ANK3: variants seen among roughly 807,000 people sequenced by gnomAD.
ANK3 encodes the protein ankyrin 3.
ANK3 carries 57 observed loss-of-function variants against 370.9 expected under a neutral mutation model. The observed-to-expected ratio is 0.15, with a 90% CI of 0.12 to 0.19. The LOEUF is 0.19. ANK3 is among the 10% of genes least tolerant of loss of function. The pLI, the probability that ANK3 is intolerant of heterozygous loss-of-function variation, is 1.00. For synonymous variants in ANK3, 1,929 were observed against 1,946.3 expected, an observed-to-expected ratio of 0.99 and a Z score of 0.23; for missense variants, 4,439 against 5,302.1, an observed-to-expected ratio of 0.84 and a Z score of 5.06.
At chr10:60,686,291 C>G (rs1046542329) in intron 1 of ANK3, among the ~76,000 whole-genome samples, 8 of 152,168 alleles carry the variant, frequency 5.3e-5, no homozygotes, top group African/African-American at 1.9e-4. Context: ...AAAAGTTGTT[C>G]AATCTCATTT....
chr10:60,646,753 G>T (rs1326399679), intron 1 of ANK3, among the ~76,000 whole-genome samples: 5 of 152,156 alleles, frequency 3.3e-5, no homozygotes, highest in African/African-American at 4.8e-5. Flanking sequence ...AGCAGTTACT[G>T]CTGGAAAAGG....
chr10:60,575,158 G>T (rs771066347), intron 2 of ANK3, among the ~76,000 whole-genome samples: 9 of 152,188 alleles, frequency 5.9e-5, no homozygotes, highest in Non-Finnish European at 8.8e-5. Flanking sequence ...ATAAACGGGT[G>T]TTTAAATTAA....
intron 25 of ANK3, among the ~76,000 whole-genome samples, chr10:60,120,884 C>A (rs1367573150): frequency 6.6e-6 from 1 of 152,084 alleles, no homozygotes; most frequent in African/African-American, 2.4e-5. Context: ...AATGTAACCA[C>A]CACAGAGAGC....
chr10:60,669,760 C>A (rs933937772), intron 1 of ANK3, among the ~76,000 whole-genome samples: 19 of 152,174 alleles, frequency 1.2e-4, no homozygotes. Context: ...TTAAATATTT[C>A]TTGGAGCTAG....
At chr10:60,196,701 C>T (rs1399664307) in intron 14 of ANK3, 76 bp from the exon 15 acceptor site, 2 of 906,014 alleles carry the variant, frequency 2.2e-6, no homozygotes, top group Non-Finnish European at 1.7e-6. Context: ...CCAAACCAAA[C>T]AACAAACAAA....
At chr10:60,488,934 C>T (rs1321484213) in intron 2 of ANK3, among the ~76,000 whole-genome samples, 1 of 152,078 alleles carries the variant, frequency 6.6e-6, no homozygotes, top group Non-Finnish European at 1.5e-5. Context: ...CCAAACATAG[C>T]CTTGGAAATT....
At chr10:60,445,962 A>T (rs2064434951) in intron 2 of ANK3, among the ~76,000 whole-genome samples, 1 of 152,242 alleles carries the variant, frequency 6.6e-6, no homozygotes. Context: ...GGCATTTGTC[A>T]TCAACATTTT....
At chr10:60,626,783 C>T (rs2078416741) in intron 1 of ANK3, among the ~76,000 whole-genome samples, 1 of 152,136 alleles carries the variant, frequency 6.6e-6, no homozygotes, top group Non-Finnish European at 1.5e-5. Flanking sequence ...TAGAGTTGGA[C>T]AGGGTTAACA....
At chr10:60,056,136 G>A (rs1382330262) in intron 41 of ANK3, 100 bp from the exon 42 acceptor site, 2 of 1,367,940 alleles carry the variant, frequency 1.5e-6, no homozygotes, top group Admixed American at 2.5e-5. Context: ...GCCTACTTCT[G>A]AAGGCATAAA....
chr10:60,384,076 G>A (rs2061923605), intron 1 of ANK3, among the ~76,000 whole-genome samples: 1 of 152,096 alleles, frequency 6.6e-6, no homozygotes, highest in Non-Finnish European at 1.5e-5. Context: ...CTCAGACAAG[G>A]TATTTTTAAG....
chr10:60,309,832 A>T (rs887044882), intron 1 of ANK3, among the ~76,000 whole-genome samples: 4 of 152,146 alleles, frequency 2.6e-5, no homozygotes, highest in African/African-American at 9.7e-5. Flanking sequence ...TGCAAAATCA[A>T]TCATCCCAGA....
chr10:60,534,912 A>G (rs2076689000), intron 2 of ANK3, among the ~76,000 whole-genome samples: 1 of 152,126 alleles, frequency 6.6e-6, no homozygotes, highest in South Asian at 2.1e-4. Flanking sequence ...ACAAACTCAA[A>G]ACAAAAATCC....
intron 1 of ANK3, among the ~76,000 whole-genome samples, chr10:60,622,622 A>G (rs1424866382): frequency 6.6e-6 from 1 of 152,140 alleles, no homozygotes; most frequent in African/African-American, 2.4e-5. Flanking sequence ...TATCTCTTGT[A>G]CCTGACATAG....
chr10:60,648,639 G>T (rs1029872923), intron 1 of ANK3, among the ~76,000 whole-genome samples: 6 of 150,936 alleles, frequency 4.0e-5, no homozygotes, highest in African/African-American at 1.5e-4. Context: ...GTGTGGTGGC[G>T]TGTGCCTGTA....
chr10:60,133,251 A>T (rs1041528157), intron 25 of ANK3, among the ~76,000 whole-genome samples: 6 of 152,250 alleles, frequency 3.9e-5, no homozygotes, highest in African/African-American at 7.2e-5. Flanking sequence ...TAAATATTAT[A>T]AGCCACCTTT....
chr10:60,663,922 A>G (rs1425856934), intron 1 of ANK3, among the ~76,000 whole-genome samples: 1 of 152,246 alleles, frequency 6.6e-6, no homozygotes, highest in African/African-American at 2.4e-5. Flanking sequence ...AAGAAATGAA[A>G]TGAGACAGAT....
intron 2 of ANK3, among the ~76,000 whole-genome samples, chr10:60,612,855 G>A (rs185613293): frequency 3.3e-5 from 5 of 152,158 alleles, no homozygotes; most frequent in South Asian, 4.2e-4. Flanking sequence ...CTGGCATCAC[G>A]GGCACAGAGT....
intron 32 of ANK3, 119 bp downstream of exon 32, chr10:60,084,483 A>G (rs1174593501): frequency 1.4e-5 from 8 of 586,308 alleles, no homozygotes; most frequent in Non-Finnish European, 2.2e-5. Flanking sequence ...AATTTTTTAA[A>G]GTAAAAGTAA....
chr10:60,138,841 C>T (rs2094455326), intron 24 of ANK3, 123 bp downstream of exon 24: 11 of 1,337,466 alleles, frequency 8.2e-6, no homozygotes, highest in Middle Eastern at 1.9e-4. Flanking sequence ...GAACATTTCG[C>T]TAAATTCACA....
Sources: gnomAD v4.1 joint callset for allele counts (sites outside exome capture counted in the v4.1 genomes callset) on GRCh38, gnomAD v4.1.1 for gene constraint, MANE v1.5 for transcripts, NCBI Gene and HGNC (gene_info 2026-07-23, HGNC 2026-07-21) for gene names.